NOL4: variants seen among roughly 807,000 people sequenced by gnomAD.
NOL4 encodes cancer/testis antigen 125.
A neutral mutation model predicts 75.9 loss-of-function variants in NOL4; 17 were observed. That is an observed-to-expected ratio of 0.22 (90% CI 0.15 to 0.34). NOL4 has a LOEUF of 0.34. NOL4 is among the 10% of genes least tolerant of loss of function. NOL4 has a pLI of 1.00. For synonymous variants in NOL4, 292 were observed against 289.9 expected, an observed-to-expected ratio of 1.01 and a Z score of -0.07; for missense variants, 614 against 793.5, an observed-to-expected ratio of 0.77 and a Z score of 2.72.
rs2062688844 is a variant in NOL4, at chr18:33,853,039, G to A, written c.1724-4C>T. 6.3e-7 allele frequency: 1 copy of A among 1,583,432 alleles called. No homozygotes were observed. Among genetic ancestry groups the A allele is most frequent in the Admixed American group, 1.9e-5 (1 of 53,690 alleles). ...TTCATGCTGAGATCAGTGGGTCCTA[G>A]AAAGAAAATCATCACAAAATTAGAC... is the stretch of plus-strand genomic sequence containing the variant. On this transcript the variant is annotated splice_region_variant and splice_polypyrimidine_tract_variant and intron_variant, in intron 10 of 10. Coordinates refer to ENST00000261592, the MANE Select transcript of NOL4 (RefSeq NM_003787.5).
chr18:34,164,666 T>C (rs548475744), intron 1 of NOL4, among the ~76,000 whole-genome samples: 2,229 of 152,130 alleles, frequency 0.015, 15 homozygotes, highest in Middle Eastern at 0.034. Context: ...GTTCAACCAT[T>C]GTGGAAGTCA....
chr18:34,069,337 T>A (rs1320656089), intron 5 of NOL4, among the ~76,000 whole-genome samples: 1 of 152,102 alleles, frequency 6.6e-6, no homozygotes, highest in Non-Finnish European at 1.5e-5. Flanking sequence ...AGGAATTATC[T>A]AAACTAAAAC....
intron 1 of NOL4, among the ~76,000 whole-genome samples, chr18:34,205,104 T>C (rs2036029255): frequency 6.6e-6 from 1 of 152,136 alleles, no homozygotes; most frequent in South Asian, 2.1e-4. Flanking sequence ...AATGTTTAAG[T>C]CCTGGATTTT....
intron 9 of NOL4, among the ~76,000 whole-genome samples, chr18:33,915,870 G>A (rs1282189459): frequency 6.6e-6 from 1 of 152,114 alleles, no homozygotes; most frequent in East Asian, 1.9e-4. Flanking sequence ...CTTACTCTGA[G>A]TCACGCACTA....
chr18:33,892,579 A>C (rs1176379899), intron 9 of NOL4, among the ~76,000 whole-genome samples: 1 of 152,180 alleles, frequency 6.6e-6, no homozygotes, highest in Admixed American at 6.6e-5. Context: ...AAGGCTTCAC[A>C]TCATTACAAG....
At chr18:34,142,799 G>A (rs1441908180) in intron 1 of NOL4, among the ~76,000 whole-genome samples, 4 of 151,696 alleles carry the variant, frequency 2.6e-5, no homozygotes, top group Admixed American at 2.6e-4. Flanking sequence ...CCTGCACGTT[G>A]TGCACATGTA....
At position 33,917,701 on chromosome 18, in the gene NOL4, G is replaced by A. The variant is rs562238650; in HGVS notation, c.1542+25364C>T. On this transcript the variant is annotated intron_variant, in intron 9 of 10. Transcript: ENST00000261592. ...TAATGCTTAGTAGAGATGAGGTCTCGCTATTTTGCCCAGGCTGGCCTCAAA... is the reference window on the plus strand; with the variant it reads ...TAATGCTTAGTAGAGATGAGGTCTCACTATTTTGCCCAGGCTGGCCTCAAA... Among the ~76,000 whole-genome samples the A allele has an allele frequency of 9.9e-5, 15 of 151,788 alleles. No homozygotes were observed. In the South Asian group the frequency reaches 1.7e-3, roughly 17 times the overall value.
intron 9 of NOL4, among the ~76,000 whole-genome samples, chr18:33,938,129 A>G (rs2068191127): frequency 1.3e-5 from 2 of 152,054 alleles, no homozygotes; most frequent in South Asian, 4.2e-4. Flanking sequence ...ATATAAACTC[A>G]TATTCTGGCT....
chr18:33,939,755 C>G (rs1359408550), intron 9 of NOL4, among the ~76,000 whole-genome samples: 2 of 152,022 alleles, frequency 1.3e-5, no homozygotes, highest in Non-Finnish European at 2.9e-5. Flanking sequence ...TATTTAAATA[C>G]CCTTTCTTTC....
intron 10 of NOL4, among the ~76,000 whole-genome samples, chr18:33,877,730 T>C (rs1417661014): frequency 6.6e-6 from 1 of 152,046 alleles, no homozygotes; most frequent in Admixed American, 6.6e-5. Flanking sequence ...TAAACACTTA[T>C]ATGCCTGCAT....
At chr18:34,217,530 G>A (rs549271565) in intron 1 of NOL4, among the ~76,000 whole-genome samples, 5 of 151,804 alleles carry the variant, frequency 3.3e-5, no homozygotes, top group East Asian at 3.9e-4. Flanking sequence ...CAGGCAATCC[G>A]CCTGCCTCAG....
intron 1 of NOL4, among the ~76,000 whole-genome samples, chr18:34,143,853 A>T (rs1302450718): frequency 6.8e-6 from 1 of 147,630 alleles, no homozygotes; most frequent in Non-Finnish European, 1.5e-5. Flanking sequence ...CAAAAGAGCA[A>T]AACTCCATCT....
At chr18:34,181,542 T>C (rs1398802250) in intron 1 of NOL4, among the ~76,000 whole-genome samples, 1 of 151,504 alleles carries the variant, frequency 6.6e-6, no homozygotes, top group Non-Finnish European at 1.5e-5. Flanking sequence ...ATATACAGTA[T>C]AAGCAGCCAA....
chr18:34,112,625 T>C (rs547103434), intron 2 of NOL4, among the ~76,000 whole-genome samples: 1 of 152,182 alleles, frequency 6.6e-6, no homozygotes, highest in South Asian at 2.1e-4. Flanking sequence ...AAGCATAATC[T>C]CACCTGTAAG....
intron 1 of NOL4, among the ~76,000 whole-genome samples, chr18:34,169,154 T>C (rs2032753882): frequency 6.6e-6 from 1 of 151,942 alleles, no homozygotes; most frequent in Non-Finnish European, 1.5e-5. Flanking sequence ...ACCACATGAA[T>C]ATATGATTTT....
rs74413867 is a variant in NOL4 at position 34,082,815 on chromosome 18, A to G, written c.772+10650T>C. ...CGTTTTATTCTGTATGGCACCAGGA[A>G]TGATTCTCCCTAACATTGTTACACC... On this transcript the variant is annotated intron_variant, in intron 5 of 10. Coordinates refer to ENST00000261592, the MANE Select transcript of NOL4 (RefSeq NM_003787.5). Among the ~76,000 whole-genome samples the G allele has an allele frequency of 1.1e-3, 171 of 152,306 alleles. 4 individuals carry two copies. In the East Asian group the frequency reaches 0.03, roughly 27 times the overall value.
chr18:34,103,966 A>T lies in NOL4; in HGVS notation c.639+81T>A, dbSNP rs1354131353. ...AATAAATTACTGTCTTCAAAATGCC[A>T]TCATGCTTAATATGATAGTCATGGT... is the stretch of plus-strand genomic sequence containing the variant. On this transcript the variant is annotated intron_variant, in intron 4 of 10. Coordinates refer to ENST00000261592, the MANE Select transcript of NOL4 (RefSeq NM_003787.5). The T allele has an allele frequency of 4.4e-6, 4 of 910,354 alleles. No individual in the cohort carries two copies. In the African/African-American group the frequency reaches 4.9e-5, roughly 11 times the overall value. 56.4% of individuals were successfully genotyped at this position (910,354 alleles called of 1,614,324 possible). A position where few individuals can be genotyped will look rare whatever the true frequency, so the allele number is the denominator to read the frequency against.
chr18:33,944,374 A>T (rs760464609), intron 8 of NOL4, among the ~76,000 whole-genome samples: 2 of 151,908 alleles, frequency 1.3e-5, no homozygotes, highest in Admixed American at 1.3e-4. Context: ...GAACAGCTAA[A>T]TTCAGACCAC....
At position 33,930,473 on chromosome 18, in the gene NOL4, C is replaced by T. The variant is rs75739928; in HGVS notation, c.1542+12592G>A. Among the ~76,000 whole-genome samples, 140 of 152,140 alleles carry T rather than the reference C, an allele frequency of 9.2e-4. 2 individuals are homozygous for T. The East Asian group carries it at 0.025, about 27-fold the overall frequency. ...ATATTTTGATATCCACTTGTGCTAG[C>T]TATTTCCTACATAGGGAAAAAGTCA... On this transcript the variant is annotated intron_variant, in intron 9 of 10. Transcript: ENST00000261592.
Sources: gnomAD v4.1 joint callset for allele counts (sites outside exome capture counted in the v4.1 genomes callset) on GRCh38, gnomAD v4.1.1 for gene constraint, MANE v1.5 for transcripts, NCBI Gene and HGNC (gene_info 2026-07-23, HGNC 2026-07-21) for gene names.